The following PLAAT1 variants were observed in gnomAD, a reference collection of about 807,000 sequenced individuals.
PLAAT1 encodes the protein H-REV107 protein-related protein.
PLAAT1 carries 13 observed loss-of-function variants against 16.4 expected under a neutral mutation model. The ratio of observed to expected loss-of-function variants is 0.79; its 90% CI spans 0.52 to 1.26. PLAAT1 has a LOEUF of 1.26. Among genes scored for constraint, PLAAT1 ranks in the 50% most tolerant of loss-of-function variants. The pLI is 0.00. For missense variants in PLAAT1, 218 were observed against 207.8 expected (o/e 1.05, Z -0.30); for synonymous variants, 73 against 78.4 (o/e 0.93, Z 0.36).
chr3:193,275,387 C>T (rs1390262403), downstream of PLAAT1: 7 of 1,481,644 alleles, frequency 4.7e-6, no homozygotes, highest in Middle Eastern at 1.8e-4. Flanking sequence ...CACCTCCTTT[C>T]CCCAGGCCTT....
downstream of PLAAT1, among the ~76,000 whole-genome samples, chr3:193,274,181 T>G (rs1024792447): frequency 8.5e-5 from 13 of 152,130 alleles, no homozygotes; most frequent in Admixed American, 7.2e-4. Flanking sequence ...AGGCGGAGGT[T>G]GCAGTGAGCC....
intron 2 of PLAAT1, among the ~76,000 whole-genome samples, chr3:193,257,474 C>A (rs1716420674): frequency 6.6e-6 from 1 of 152,140 alleles, no homozygotes; most frequent in South Asian, 2.1e-4. Context: ...TAAAGCAAGT[C>A]TCAATAAAGT....
At chr3:193,258,119 C>T (rs1180137747) in intron 2 of PLAAT1, among the ~76,000 whole-genome samples, 1 of 152,138 alleles carries the variant, frequency 6.6e-6, no homozygotes, top group East Asian at 1.9e-4. Flanking sequence ...TTCATATATA[C>T]ATCTATCCTA....
chr3:193,281,107 T>C, downstream of PLAAT1: 2 of 817,498 alleles, frequency 2.4e-6, no homozygotes, highest in Non-Finnish European at 3.0e-6. Context: ...AAAGTAGGAA[T>C]TGCATCTCTC....
intron 1 of PLAAT1, among the ~76,000 whole-genome samples, chr3:193,242,183 C>G (rs1715788057): frequency 6.6e-6 from 1 of 150,406 alleles, no homozygotes; most frequent in Non-Finnish European, 1.5e-5. Flanking sequence ...TGGCCCAAGA[C>G]AGTTCTCCCA....
intron 1 of PLAAT1, among the ~76,000 whole-genome samples, chr3:193,253,016 A>G (rs763272958): frequency 1.3e-5 from 2 of 152,146 alleles, no homozygotes; most frequent in Non-Finnish European, 2.9e-5. Flanking sequence ...CATTCAGGGC[A>G]GTGCTGCTTT....
At position 193,241,225 on chromosome 3, in the gene PLAAT1, A is replaced by G. The variant is rs1715722124; in HGVS notation, c.-309A>G. The G allele has an allele frequency of 3.3e-6, 4 of 1,224,156 alleles. No homozygotes were observed. The highest frequency in any genetic ancestry group is 4.1e-6 in the Non-Finnish European group (4 of 983,168). 75.8% of individuals were successfully genotyped at this position (1,224,156 alleles called of 1,614,324 possible). A position where few individuals can be genotyped will look rare whatever the true frequency, so the allele number is the denominator to read the frequency against. ...GCGGAGCGGGCGGCTCCCCATGGTC[A>G]GAGCCTCGTGCCGGCTCGGCAGCGC... On this transcript the variant is annotated 5_prime_UTR_variant, in exon 1 of 4. Coordinates refer to ENST00000264735, the MANE Select transcript of PLAAT1 (RefSeq NM_020386.5).
At chr3:193,280,724 AT>A (rs563093779), downstream of PLAAT1, among the ~76,000 whole-genome samples, 10 of 152,284 alleles carry the variant, frequency 6.6e-5, no homozygotes, top group East Asian at 1.7e-3. Flanking sequence ...TAGAAATATT[AT>A]TTTTTAATAG....
downstream of PLAAT1, chr3:193,279,391 AAGTC>A: frequency 1.2e-6 from 2 of 1,613,936 alleles, no homozygotes; most frequent in Non-Finnish European, 1.7e-6. Context: ...TATAACTTGA[AAGTC>A]AGAAAACAGA....
intron 2 of PLAAT1, among the ~76,000 whole-genome samples, chr3:193,256,911 A>T (rs994906887): frequency 1.3e-5 from 2 of 152,204 alleles, no homozygotes. Context: ...GATATTAGTT[A>T]TCAAATATTC....
downstream of PLAAT1, chr3:193,274,849 C>T (rs185269934): frequency 7.9e-5 from 55 of 691,880 alleles, no homozygotes; most frequent in East Asian, 1.3e-3. Flanking sequence ...ATTTTTTTCT[C>T]TCATTGGTAA....
At chr3:193,281,117 C>T, downstream of PLAAT1, 5 of 900,580 alleles carry the variant, frequency 5.6e-6, no homozygotes, top group Non-Finnish European at 6.6e-6. Flanking sequence ...TTGCATCTCT[C>T]AGGATAAAGC....
At chr3:193,255,609 C>T in intron 1 of PLAAT1, 42 bp from the exon 2 acceptor site, 1 of 1,553,308 alleles carries the variant, frequency 6.4e-7, no homozygotes, top group South Asian at 1.2e-5. Flanking sequence ...TTTCTTTTGG[C>T]AAGTTGTATT....
chr3:193,249,510 G>A (rs1716114200), intron 1 of PLAAT1, among the ~76,000 whole-genome samples: 1 of 152,058 alleles, frequency 6.6e-6, no homozygotes, highest in Non-Finnish European at 1.5e-5. Context: ...TTCATTATAT[G>A]TTGTTTTGCT....
chr3:193,258,526 A>G (rs1378448350), intron 2 of PLAAT1, among the ~76,000 whole-genome samples: 1 of 152,184 alleles, frequency 6.6e-6, no homozygotes, highest in Non-Finnish European at 1.5e-5. Context: ...AACAAAGGAA[A>G]AAAGATCCAA....
chr3:193,261,997 G>A (rs1483944377), intron 2 of PLAAT1, among the ~76,000 whole-genome samples: 1 of 152,130 alleles, frequency 6.6e-6, no homozygotes, highest in East Asian at 1.9e-4. Context: ...TTTGCTTTCA[G>A]TCATTACTAA....
At chr3:193,249,625 A>G (rs762568971) in intron 1 of PLAAT1, among the ~76,000 whole-genome samples, 1 of 152,126 alleles carries the variant, frequency 6.6e-6, no homozygotes, top group Non-Finnish European at 1.5e-5. Flanking sequence ...TTGTACAACA[A>G]TAATTCACAT....
chr3:193,259,049 C>T (rs1337029322), intron 2 of PLAAT1, among the ~76,000 whole-genome samples: 1 of 152,136 alleles, frequency 6.6e-6, no homozygotes, highest in African/African-American at 2.4e-5. Flanking sequence ...AAAGTTAATT[C>T]ATAATCAAGA....
chr3:193,241,213 C>A (rs932693868), upstream of PLAAT1: 17 of 1,223,204 alleles, frequency 1.4e-5, no homozygotes, highest in Non-Finnish European at 1.7e-5. Flanking sequence ...GAGCGGGCGG[C>A]TCCCCATGGT....
Sources: allele counts gnomAD v4.1 joint callset (sites outside exome capture counted in the v4.1 genomes callset), GRCh38; gene constraint gnomAD v4.1.1; transcripts MANE v1.5; gene names NCBI Gene and HGNC (gene_info 2026-07-23, HGNC 2026-07-21).